Variants in HSPA12A observed in about 807,000 individuals in gnomAD.
HSPA12A encodes heat shock protein family A (Hsp70) member 12A, also known as heat shock 70 kDa protein 12A.
HSPA12A carries 28 observed loss-of-function variants against 69.2 expected under a neutral mutation model. The ratio of observed to expected loss-of-function variants is 0.40; its 90% CI spans 0.30 to 0.55. The LOEUF (loss-of-function observed/expected upper bound fraction) is 0.55. Ranked by LOEUF, HSPA12A falls within the 20% of genes least tolerant of loss-of-function variation. HSPA12A has a pLI of 0.38. For missense variants in HSPA12A, 686 were observed against 900.7 expected (o/e 0.76, Z 3.05); for synonymous variants, 345 against 370.5 (o/e 0.93, Z 0.79).
Position 116,675,034 on chromosome 10 carries a change from T to A in HSPA12A, c.1775A>T (p.Lys592Met). The change falls in exon 12 of 12, where the codon AAG becomes ATG. Residue 592 changes from lysine to methionine, a missense_variant. Lys to Met is a moderately conservative substitution (Grantham distance 95). Coordinates refer to ENST00000369209, the MANE Select transcript of HSPA12A (RefSeq NM_025015.3). The surrounding 1 kb of genome is among the most constrained non-coding windows in gnomAD (Gnocchi z 5.2). ...ELVKRSYTPA[K>M]PSQLVIVINI... ...GATGACAATGACCAGCTGGGAGGGC[T>A]TGGCCGGGGTGTAGCTACGCTTGAC... 1 of 1,613,896 alleles carries A rather than the reference T, an allele frequency of 6.2e-7. No individual in the cohort carries two copies. The highest frequency in any genetic ancestry group is 8.5e-7 in the Non-Finnish European group (1 of 1,179,972).
At position 116,726,027 on chromosome 10, in the gene HSPA12A, G is replaced by GCGCGCGCGCACACA. The variant is rs140160132; in HGVS notation, c.40+16402_40+16403insTGTGTGCGCGCGCG. The stretch of plus-strand genomic sequence containing the variant: ...ACAAGGTTTAGACACACACACACAC[G>GCGCGCGCGCACACA]CACACACACACACACACACACACAC... On this transcript the variant is annotated intron_variant, in intron 1 of 11. Transcript: ENST00000369209. Among the ~76,000 whole-genome samples, 8 of 146,222 alleles carry GCGCGCGCGCACACA rather than the reference G, an allele frequency of 5.5e-5. No homozygotes were observed. In the East Asian group the frequency reaches 8.3e-4, roughly 15 times the overall value.
In HSPA12A at chr10:116,754,412, T is replaced by C. The variant is rs1393419363; in HGVS notation, c.92-47127A>G. On this transcript the variant is annotated intron_variant, in intron 2 of 12. Coordinates refer to the HSPA12A transcript ENST00000635765. ...CCAGTATCCTGATAAAGTTCTAAGTTTAGAGCAAAAGAAGAATTAAAGAAA... is the reference window on the plus strand; with the variant it reads ...CCAGTATCCTGATAAAGTTCTAAGTCTAGAGCAAAAGAAGAATTAAAGAAA... Among the ~76,000 whole-genome samples the C allele has an allele frequency of 2.0e-5, 3 of 152,198 alleles. No homozygotes were observed. The East Asian group carries it at 5.8e-4, about 29-fold the overall frequency.
intron 2 of HSPA12A, chr10:116,834,823 GTTTAAACGTCCCAGT>G: frequency 2.0e-6 from 1 of 508,076 alleles, no homozygotes; most frequent in Non-Finnish European, 3.0e-6. Flanking sequence ...ACGTGCAGAA[GTTTAAACGTCCCAGT>G]TTTAAACATA....
chr10:116,827,149 G>T (rs1457599018), intron 2 of HSPA12A, among the ~76,000 whole-genome samples: 1 of 152,220 alleles, frequency 6.6e-6, no homozygotes, highest in Non-Finnish European at 1.5e-5. Flanking sequence ...GTTGGCTGTT[G>T]TCTTTCAAAT....
chr10:116,687,767 C>G (rs17095109), intron 6 of HSPA12A, among the ~76,000 whole-genome samples: 1 of 152,184 alleles, frequency 6.6e-6, no homozygotes, highest in Non-Finnish European at 1.5e-5. Flanking sequence ...CACTCTCCGT[C>G]TTTGCTAATT....
intron 5 of HSPA12A, among the ~76,000 whole-genome samples, chr10:116,695,641 C>T (rs1329850323): frequency 6.6e-6 from 1 of 151,968 alleles, no homozygotes; most frequent in Non-Finnish European, 1.5e-5. Context: ...ATGGTGAAAC[C>T]CCGTCTCTAC....
chr10:116,769,357 G>T lies in HSPA12A; in HGVS notation c.92-62072C>A, dbSNP rs541879087. Among the ~76,000 whole-genome samples, 4 of 152,304 alleles carry T rather than the reference G, an allele frequency of 2.6e-5. No individual in the cohort carries two copies. In the South Asian group the frequency reaches 8.3e-4, roughly 32 times the overall value. ...CCTCATTCCAGCCAAGGAAACAAAG[G>T]CTTAGAGAAAGTCAAGCACCCAGCT... On this transcript the variant is annotated intron_variant, in intron 2 of 12. Coordinates refer to the HSPA12A transcript ENST00000635765.
chr10:116,767,629 G>C (rs1410847659), intron 2 of HSPA12A, among the ~76,000 whole-genome samples: 1 of 152,224 alleles, frequency 6.6e-6, no homozygotes, highest in Non-Finnish European at 1.5e-5. Flanking sequence ...GGGAGGGGAG[G>C]TTGTTGGTTA....
At chr10:116,713,486 G>A (rs1197607369) in intron 1 of HSPA12A, among the ~76,000 whole-genome samples, 1 of 152,134 alleles carries the variant, frequency 6.6e-6, no homozygotes, top group Admixed American at 6.5e-5. Flanking sequence ...GGCCAAGTTG[G>A]GGGCAGCATC....
At chr10:116,774,820 C>G (rs1263458977) in intron 2 of HSPA12A, among the ~76,000 whole-genome samples, 1 of 152,186 alleles carries the variant, frequency 6.6e-6, no homozygotes, top group Non-Finnish European at 1.5e-5. Flanking sequence ...GCTGCACAAG[C>G]CTGGAGCCCT....
intron 2 of HSPA12A, among the ~76,000 whole-genome samples, chr10:116,806,360 C>A (rs1474302315): frequency 6.6e-6 from 1 of 152,164 alleles, no homozygotes; most frequent in Non-Finnish European, 1.5e-5. Flanking sequence ...CTTGAGCCAC[C>A]ATGCCCAGCT....
At chr10:116,776,464 C>T (rs1554891165) in intron 2 of HSPA12A, among the ~76,000 whole-genome samples, 1 of 152,170 alleles carries the variant, frequency 6.6e-6, no homozygotes, top group Non-Finnish European at 1.5e-5. Flanking sequence ...CAAAATCAGC[C>T]GGGATTGATT....
chr10:116,833,592 G>A (rs906795907), intron 2 of HSPA12A, among the ~76,000 whole-genome samples: 4 of 152,088 alleles, frequency 2.6e-5, no homozygotes, highest in Admixed American at 1.3e-4. Flanking sequence ...TTTTTCTCCC[G>A]AAAAACCAAT....
intron 2 of HSPA12A, among the ~76,000 whole-genome samples, chr10:116,768,105 G>T (rs782781347): frequency 5.9e-5 from 9 of 152,142 alleles, no homozygotes; most frequent in Admixed American, 1.3e-4. Flanking sequence ...AACAACCCAA[G>T]CATCCATCCA....
chr10:116,691,761 C>T (rs1174758740), intron 6 of HSPA12A, among the ~76,000 whole-genome samples: 2 of 152,252 alleles, frequency 1.3e-5, no homozygotes, highest in Non-Finnish European at 2.9e-5. Context: ...TCTCCCTGGC[C>T]AACAAGCGCC....
At chr10:116,680,695 A>G (rs1344825317) in intron 9 of HSPA12A, among the ~76,000 whole-genome samples, 2 of 152,182 alleles carry the variant, frequency 1.3e-5, no homozygotes, top group Admixed American at 6.5e-5. Flanking sequence ...CATGTTGGCC[A>G]TGCTGGTCTC....
At chr10:116,685,192 C>T (rs1849543048) in intron 6 of HSPA12A, among the ~76,000 whole-genome samples, 1 of 152,194 alleles carries the variant, frequency 6.6e-6, no homozygotes, top group South Asian at 2.1e-4. Context: ...GGGTTTAGTG[C>T]ATTCTTCTTG....
intron 2 of HSPA12A, among the ~76,000 whole-genome samples, chr10:116,781,477 A>G (rs376705615): frequency 6.6e-6 from 1 of 152,064 alleles, no homozygotes; most frequent in East Asian, 1.9e-4. Flanking sequence ...ACTTGTCTCA[A>G]TGAAATGTTG....
At position 116,820,775 on chromosome 10, in the gene HSPA12A, G is replaced by A. The variant is rs758584711; in HGVS notation, c.91+14160C>T. ...TGAGTCCACGTTGACATTTCTAGTC[G>A]GAGCTCACCATATCTCCACTTGCAG... On this transcript the variant is annotated intron_variant, in intron 2 of 12. Coordinates refer to the HSPA12A transcript ENST00000635765. 8.6e-5 allele frequency among the ~76,000 whole-genome samples: 13 copies of A among 151,912 alleles called. No individual in the cohort carries two copies. In the East Asian group the frequency reaches 9.7e-4, roughly 11 times the overall value.
Sources: gnomAD v4.1 joint callset for allele counts (sites outside exome capture counted in the v4.1 genomes callset) on GRCh38, gnomAD v4.1.1 for gene constraint, Gnocchi (gnomAD v3.1) non-coding constraint, MANE v1.5 for transcripts, NCBI Gene and HGNC (gene_info 2026-07-23, HGNC 2026-07-21) for gene names.